The following PPM1L variants were observed in gnomAD, a reference collection of about 807,000 sequenced individuals.
The protein encoded by PPM1L is protein phosphatase 1L.
A neutral mutation model predicts 31.4 loss-of-function variants in PPM1L; 13 were observed. The observed-to-expected ratio is 0.41, with a 90% CI of 0.27 to 0.66. PPM1L has a LOEUF of 0.66. PPM1L is among the 30% of genes least tolerant of loss of function. The probability of loss-of-function intolerance (pLI) is 0.29; values close to 1 mark genes in which losing one functional copy is unlikely to be tolerated. For missense variants in PPM1L, 326 were observed against 453.7 expected, an observed-to-expected ratio of 0.72 and a Z score of 2.56; for synonymous variants, 184 against 175.4, an observed-to-expected ratio of 1.05 and a Z score of -0.39.
chr3:160,958,626 T>C (rs1015794739), intron 1 of PPM1L, among the ~76,000 whole-genome samples: 1 of 152,226 alleles, frequency 6.6e-6, no homozygotes, highest in Non-Finnish European at 1.5e-5. Flanking sequence ...ACAAATGTGC[T>C]GAGTCCATTT....
rs373467576 is a variant in PPM1L at position 160,944,808 on chromosome 3, TAA to T, written c.400-16927_400-16926del. 2.8e-3 allele frequency among the ~76,000 whole-genome samples: 37 copies of T among 13,282 alleles called. 6 individuals carry two copies. Among genetic ancestry groups the T allele is most frequent in the African/African-American group, 4.3e-3 (23 of 5,320 alleles). The allele number at this position is 13,282 out of a possible 152,430, so 8.7% of individuals were successfully genotyped here. A position where few individuals can be genotyped will look rare whatever the true frequency, so the allele number is the denominator to read the frequency against. On this transcript the variant is annotated intron_variant, in intron 1 of 3. Transcript: ENST00000498165. ...TTATATATGTTATATATAACATATA[TAA>T]CATATATATGTTATATATAACATAT...
At chr3:160,810,217 G>A (rs1712767254) in intron 1 of PPM1L, among the ~76,000 whole-genome samples, 2 of 151,974 alleles carry the variant, frequency 1.3e-5, no homozygotes. Context: ...TGTGTTAGTA[G>A]GTCTTGGGCC....
chr3:160,814,465 TGTG>T (rs1172123614), intron 1 of PPM1L, among the ~76,000 whole-genome samples: 1 of 150,836 alleles, frequency 6.6e-6, no homozygotes, highest in African/African-American at 2.5e-5. Context: ...ATGAAGATGA[TGTG>T]GTGTATATAC....
intron 1 of PPM1L, among the ~76,000 whole-genome samples, chr3:160,858,846 C>T (rs1711804901): frequency 6.6e-6 from 1 of 152,058 alleles, no homozygotes; most frequent in Non-Finnish European, 1.5e-5. Flanking sequence ...TTATGGTAGA[C>T]ACTTGTTTTT....
intron 2 of PPM1L, among the ~76,000 whole-genome samples, chr3:161,013,073 A>G (rs1418494986): frequency 6.6e-6 from 1 of 152,022 alleles, no homozygotes; most frequent in Non-Finnish European, 1.5e-5. Context: ...TAGCTTTTGA[A>G]TGTGTTTGCT....
chr3:161,015,016 C>T (rs1194370072), intron 2 of PPM1L, among the ~76,000 whole-genome samples: 1 of 150,646 alleles, frequency 6.6e-6, no homozygotes, highest in Non-Finnish European at 1.5e-5. Flanking sequence ...GGGAAAAGGT[C>T]ACAGTTGTAA....
intron 2 of PPM1L, among the ~76,000 whole-genome samples, chr3:161,015,981 G>A (rs1187907888): frequency 6.6e-6 from 1 of 152,198 alleles, no homozygotes; most frequent in African/African-American, 2.4e-5. Flanking sequence ...CCCATGGAAA[G>A]GAGAGATGTG....
chr3:160,835,862 A>G (rs1713698923), intron 1 of PPM1L, among the ~76,000 whole-genome samples: 1 of 152,082 alleles, frequency 6.6e-6, no homozygotes. Flanking sequence ...TTTCTCCCAA[A>G]TATTCATTTA....
At chr3:160,828,446 C>A (rs1713418715) in intron 1 of PPM1L, among the ~76,000 whole-genome samples, 1 of 151,966 alleles carries the variant, frequency 6.6e-6, no homozygotes, top group African/African-American at 2.4e-5. Flanking sequence ...TACAATATAC[C>A]AGGCATTAGG....
At chr3:161,007,073 C>T (rs1055333684) in intron 2 of PPM1L, among the ~76,000 whole-genome samples, 2 of 152,168 alleles carry the variant, frequency 1.3e-5, no homozygotes, top group Non-Finnish European at 2.9e-5. Flanking sequence ...TAATATGTAT[C>T]AAGCACATAC....
In PPM1L at chr3:160,787,291, A is replaced by G. The variant is rs1339058639; in HGVS notation, c.399+30584A>G. ...GTTAATTTTTGACTTTTTAATAATC[A>G]CCATTCTGACTGGTGTGAGATAGTA... is the stretch of plus-strand genomic sequence containing the variant. On this transcript the variant is annotated intron_variant, in intron 1 of 3. Transcript: ENST00000498165. Among the ~76,000 whole-genome samples, 4 of 152,184 alleles carry G rather than the reference A, an allele frequency of 2.6e-5. No homozygotes were observed. The East Asian group carries it at 7.7e-4, about 29-fold the overall frequency.
At chr3:160,876,268 G>A (rs1170829320) in intron 1 of PPM1L, among the ~76,000 whole-genome samples, 2 of 152,286 alleles carry the variant, frequency 1.3e-5, no homozygotes, top group African/African-American at 4.8e-5. Flanking sequence ...AAGGGTTTGA[G>A]AACTTCTGAG....
At chr3:160,808,388 T>TGTGTGTGTGTGTGTGTGTGTGCGCGCGC (rs1185635287) in intron 1 of PPM1L, among the ~76,000 whole-genome samples, 1 of 138,610 alleles carries the variant, frequency 7.2e-6, no homozygotes, top group Non-Finnish European at 1.6e-5. Flanking sequence ...TTTTCCTGTG[T>TGTGTGTGTGTGTGTGTGTGTGCGCGCGC]GTGTGTGTGT....
chr3:161,076,294 A>G lies in PPM1L; in HGVS notation c.*7137A>G, dbSNP rs1445705788. 6.6e-6 allele frequency: 1 copy of G among 152,214 alleles called. No individual in the cohort carries two copies. The highest frequency in any genetic ancestry group is 1.5e-5 in the Non-Finnish European group (1 of 68,038). The allele number at this position is 152,214 out of a possible 1,614,324, so 9.4% of individuals were successfully genotyped here. ...TCTTCGTGTAGTAATGAAAACGTCTAAATCCTGCTCTGTGGAGAAAAGCTA... is the reference window on the plus strand; with the variant it reads ...TCTTCGTGTAGTAATGAAAACGTCTGAATCCTGCTCTGTGGAGAAAAGCTA... On this transcript the variant is annotated 3_prime_UTR_variant, in exon 4 of 4. Transcript: ENST00000498165.
chr3:161,004,872 C>A (rs1717648621), intron 2 of PPM1L, among the ~76,000 whole-genome samples: 1 of 151,982 alleles, frequency 6.6e-6, no homozygotes, highest in South Asian at 2.1e-4. Context: ...TCATTTCTTG[C>A]CTTCTGCTAG....
chr3:160,758,326 T>C (rs1714872559), intron 1 of PPM1L, among the ~76,000 whole-genome samples: 1 of 152,204 alleles, frequency 6.6e-6, no homozygotes, highest in Non-Finnish European at 1.5e-5. Context: ...AGACTATCTG[T>C]ATTTTCATTT....
chr3:160,793,485 C>T (rs1712158558), intron 1 of PPM1L, among the ~76,000 whole-genome samples: 2 of 152,058 alleles, frequency 1.3e-5, no homozygotes, highest in African/African-American at 4.8e-5. Context: ...CCTATGGTTA[C>T]CCTGTTGAAT....
At chr3:160,805,841 C>T (rs1712583947) in intron 1 of PPM1L, among the ~76,000 whole-genome samples, 1 of 152,212 alleles carries the variant, frequency 6.6e-6, no homozygotes, top group Non-Finnish European at 1.5e-5. Flanking sequence ...AGAATCTGGC[C>T]TGCAGACTTA....
chr3:160,997,956 A>G (rs1351394577), intron 2 of PPM1L, among the ~76,000 whole-genome samples: 1 of 152,198 alleles, frequency 6.6e-6, no homozygotes, highest in Non-Finnish European at 1.5e-5. Context: ...CACATGAAGC[A>G]GGATCCAAGT....
Sources: gnomAD v4.1 joint callset for allele counts (sites outside exome capture counted in the v4.1 genomes callset) on GRCh38, gnomAD v4.1.1 for gene constraint, MANE v1.5 for transcripts, NCBI Gene and HGNC (gene_info 2026-07-23, HGNC 2026-07-21) for gene names.